Variants in NKAIN3 observed in about 807,000 individuals in gnomAD.
NKAIN3 encodes sodium/potassium-transporting ATPase subunit beta-1-interacting protein 3.
A neutral mutation model predicts 30.2 loss-of-function variants in NKAIN3; 25 were observed. The ratio of observed to expected loss-of-function variants is 0.83; its 90% CI spans 0.60 to 1.16. The LOEUF (loss-of-function observed/expected upper bound fraction) is 1.16, where lower values mean the gene tolerates loss of function less well. NKAIN3 is among the 50% of genes most tolerant of loss of function. The probability of loss-of-function intolerance (pLI) is 0.00; values close to 1 mark genes in which losing one functional copy is unlikely to be tolerated. For synonymous variants in NKAIN3, 91 were observed against 89.6 expected (o/e 1.02, Z -0.09); for missense variants, 225 against 254.1 (o/e 0.89, Z 0.78).
intron 1 of NKAIN3, among the ~76,000 whole-genome samples, chr8:62,389,464 G>T (rs1426525640): frequency 6.6e-6 from 1 of 152,170 alleles, no homozygotes; most frequent in Non-Finnish European, 1.5e-5. Flanking sequence ...AGGTGTCTGT[G>T]TCTGGCCATC....
intron 5 of NKAIN3, among the ~76,000 whole-genome samples, chr8:62,920,826 A>G (rs1311831204): frequency 6.6e-6 from 1 of 152,252 alleles, no homozygotes; most frequent in Non-Finnish European, 1.5e-5. Context: ...AAAGCAAAGT[A>G]TATATGCCAA....
intron 5 of NKAIN3, among the ~76,000 whole-genome samples, chr8:62,925,659 T>C (rs1259730841): frequency 3.3e-5 from 5 of 152,192 alleles, no homozygotes; most frequent in Admixed American, 6.5e-5. Context: ...TGACCATTGC[T>C]GAATCACATC....
At chr8:62,267,606 C>G (rs1812648230) in intron 1 of NKAIN3, among the ~76,000 whole-genome samples, 1 of 152,148 alleles carries the variant, frequency 6.6e-6, no homozygotes, top group Non-Finnish European at 1.5e-5. Context: ...AAGGGTCCTG[C>G]CTTACTTGCT....
intron 1 of NKAIN3, among the ~76,000 whole-genome samples, chr8:62,462,867 A>T (rs916450909): frequency 1.3e-5 from 2 of 152,204 alleles, no homozygotes; most frequent in Non-Finnish European, 2.9e-5. Context: ...AGGGATCTGC[A>T]CTTCACATAT....
intron 2 of NKAIN3, among the ~76,000 whole-genome samples, chr8:62,586,902 AT>A (rs1042096918): frequency 6.6e-6 from 1 of 151,944 alleles, no homozygotes; most frequent in African/African-American, 2.4e-5. Context: ...ATGCAGAGTG[AT>A]TTTTTTCTTA....
At chr8:62,959,016 T>C (rs992207058) in intron 6 of NKAIN3, among the ~76,000 whole-genome samples, 1 of 152,220 alleles carries the variant, frequency 6.6e-6, no homozygotes, top group Non-Finnish European at 1.5e-5. Context: ...CAAATCTTTT[T>C]CTAAGGCTTC....
chr8:62,574,325 T>C (rs1001794838), intron 1 of NKAIN3, among the ~76,000 whole-genome samples: 2 of 152,182 alleles, frequency 1.3e-5, no homozygotes, highest in African/African-American at 4.8e-5. Context: ...ATCTTGGCTA[T>C]TGTGAATAGT....
chr8:62,892,254 G>A (rs1398323079), intron 4 of NKAIN3, among the ~76,000 whole-genome samples: 1 of 152,172 alleles, frequency 6.6e-6, no homozygotes, highest in East Asian at 1.9e-4. Context: ...AAGGAGCATT[G>A]TCCTTTAGAC....
rs1027970177 is a variant in NKAIN3 at position 62,946,203 on chromosome 8, G to A, written c.533-7699G>A. Among the ~76,000 whole-genome samples the A allele has an allele frequency of 2.6e-5, 4 of 152,092 alleles. No individual in the cohort carries two copies. The South Asian group carries it at 6.2e-4, about 24-fold the overall frequency. On this transcript the variant is annotated intron_variant, in intron 5 of 6. Transcript: ENST00000623646. ...CATCTCCCTGCTTGGACATCTCTTCGGGATCACAAAGTTATTTCAGGAAGG... is the reference window on the plus strand; with the variant it reads ...CATCTCCCTGCTTGGACATCTCTTCAGGATCACAAAGTTATTTCAGGAAGG...
At chr8:62,489,887 G>A (rs891016764) in intron 1 of NKAIN3, among the ~76,000 whole-genome samples, 2 of 152,142 alleles carry the variant, frequency 1.3e-5, no homozygotes, top group African/African-American at 2.4e-5. Context: ...CAAAGGTCTG[G>A]CTTCCAGTTC....
At chr8:62,637,558 C>A (rs1412495544) in intron 3 of NKAIN3, among the ~76,000 whole-genome samples, 2 of 152,164 alleles carry the variant, frequency 1.3e-5, no homozygotes, top group Non-Finnish European at 2.9e-5. Context: ...CACTAGGAAT[C>A]CTTAGTCCTT....
At chr8:62,999,508 T>G (rs994269884) in exon 6 of NKAIN3, 2 of 152,222 alleles carry the variant, frequency 1.3e-5, no homozygotes, top group African/African-American at 4.8e-5. Flanking sequence ...AGATGACACT[T>G]GAACATGAGA....
At chr8:62,432,311 T>C (rs1480261935) in intron 1 of NKAIN3, among the ~76,000 whole-genome samples, 2 of 152,064 alleles carry the variant, frequency 1.3e-5, no homozygotes, top group Non-Finnish European at 2.9e-5. Flanking sequence ...GAAGATCTTC[T>C]CCTAAGAACT....
intron 4 of NKAIN3, among the ~76,000 whole-genome samples, chr8:62,792,079 A>G (rs1563563680): frequency 6.6e-6 from 1 of 152,138 alleles, no homozygotes; most frequent in Non-Finnish European, 1.5e-5. Flanking sequence ...AAAAATTTCA[A>G]TAGTCTGAGA....
intron 1 of NKAIN3, among the ~76,000 whole-genome samples, chr8:62,335,403 T>G (rs1249099718): frequency 1.5e-5 from 2 of 134,078 alleles, no homozygotes; most frequent in Non-Finnish European, 3.1e-5. Flanking sequence ...CACTCCAGCC[T>G]GGGTGACGGA....
intron 1 of NKAIN3, among the ~76,000 whole-genome samples, chr8:62,344,432 G>A (rs1328127245): frequency 2.0e-5 from 3 of 151,910 alleles, no homozygotes; most frequent in Non-Finnish European, 4.4e-5. Context: ...TCTATATACA[G>A]GGAGGAGAGT....
intron 6 of NKAIN3, among the ~76,000 whole-genome samples, chr8:62,959,883 T>C (rs1231085157): frequency 6.6e-6 from 1 of 152,208 alleles, no homozygotes; most frequent in Non-Finnish European, 1.5e-5. Context: ...AGCACCTTCT[T>C]AGTTGTCCCG....
chr8:62,401,406 T>C (rs1455823810), intron 1 of NKAIN3, among the ~76,000 whole-genome samples: 2 of 152,184 alleles, frequency 1.3e-5, no homozygotes. Flanking sequence ...AGGTCACATA[T>C]CTCTCTCTCC....
intron 1 of NKAIN3, among the ~76,000 whole-genome samples, chr8:62,364,711 C>T (rs866549739): frequency 1.3e-5 from 2 of 149,242 alleles, no homozygotes; most frequent in South Asian, 4.3e-4. Flanking sequence ...TGGTGGCGGG[C>T]GCCTGTAGTA....
Sources: allele counts gnomAD v4.1 joint callset (sites outside exome capture counted in the v4.1 genomes callset), GRCh38; gene constraint gnomAD v4.1.1; transcripts MANE v1.5; gene names NCBI Gene and HGNC (gene_info 2026-07-23, HGNC 2026-07-21).